Variants in NFIB observed in about 807,000 individuals in gnomAD.
The protein encoded by NFIB is nuclear factor I B.
Under a neutral mutation model 61.5 loss-of-function variants are expected in NFIB, and 11 were observed. The ratio of observed to expected loss-of-function variants is 0.18; its 90% CI spans 0.11 to 0.30. NFIB has a LOEUF of 0.30. Ranked by LOEUF, NFIB falls within the 10% of genes least tolerant of loss-of-function variation. NFIB has a pLI of 1.00. For synonymous variants in NFIB, 260 were observed against 216.5 expected (o/e 1.20, Z -1.76); for missense variants, 471 against 608.9 (o/e 0.77, Z 2.38).
At chr9:14,333,684 T>G (rs962526832) in intron 1 of NFIB, among the ~76,000 whole-genome samples, 4 of 152,206 alleles carry the variant, frequency 2.6e-5, no homozygotes, top group Admixed American at 6.5e-5. Context: ...AAAGAAATTG[T>G]CGTGTGGTCA....
the NFIB span, among the ~76,000 whole-genome samples, chr9:14,516,437 C>A: frequency 6.6e-6 from 1 of 152,124 alleles, no homozygotes; most frequent in Non-Finnish European, 1.5e-5. Flanking sequence ...ACTTGTTACT[C>A]CATAAGGAAC....
At chr9:14,121,783 A>G (rs1436755540) in intron 7 of NFIB, among the ~76,000 whole-genome samples, 1 of 152,174 alleles carries the variant, frequency 6.6e-6, no homozygotes, top group African/African-American at 2.4e-5. Flanking sequence ...TTATAAAGGG[A>G]AATACTATAT....
chr9:14,165,190 C>CT, intron 3 of NFIB, among the ~76,000 whole-genome samples: 1 of 152,244 alleles, frequency 6.6e-6, no homozygotes, highest in East Asian at 1.9e-4. Flanking sequence ...TATCCTTTAT[C>CT]TAGTCTTTAG....
intron 2 of NFIB, among the ~76,000 whole-genome samples, chr9:14,196,798 T>C (rs1466168526): frequency 6.6e-6 from 1 of 152,218 alleles, no homozygotes; most frequent in Non-Finnish European, 1.5e-5. Flanking sequence ...TTAAGTGTTT[T>C]CTTAGGCCGT....
the NFIB span, among the ~76,000 whole-genome samples, chr9:14,428,943 C>G: frequency 6.6e-6 from 1 of 152,158 alleles, no homozygotes; most frequent in Non-Finnish European, 1.5e-5. Flanking sequence ...TGATGAACGA[C>G]AAAAAGCAGC....
intron 1 of NFIB, among the ~76,000 whole-genome samples, chr9:14,383,159 G>T (rs559772481): frequency 6.6e-6 from 1 of 152,142 alleles, no homozygotes; most frequent in Non-Finnish European, 1.5e-5. Context: ...AAGAAAGCTC[G>T]GTAGCAAATT....
chr9:14,241,845 T>C (rs1047157032), intron 2 of NFIB, among the ~76,000 whole-genome samples: 4 of 152,174 alleles, frequency 2.6e-5, no homozygotes, highest in African/African-American at 7.2e-5. Flanking sequence ...AGAAAGCCAA[T>C]TGTATGTCTA....
chr9:14,145,123 C>T (rs114299693), intron 6 of NFIB, among the ~76,000 whole-genome samples: 2,244 of 134,854 alleles, frequency 0.017, 52 homozygotes, highest in African/African-American at 0.065. Flanking sequence ...GACAAAATTC[C>T]GTCTGAGGGG....
the NFIB span, among the ~76,000 whole-genome samples, chr9:14,459,605 T>C: frequency 1.8e-3 from 271 of 152,134 alleles, 2 homozygotes; most frequent in African/African-American, 6.2e-3. Context: ...AGAAAATTTT[T>C]GCAATCTACT....
At chr9:14,187,478 G>A (rs1230432165) in intron 2 of NFIB, among the ~76,000 whole-genome samples, 3 of 152,060 alleles carry the variant, frequency 2.0e-5, no homozygotes, top group Admixed American at 6.6e-5. Flanking sequence ...TTAGCAAAAC[G>A]CATAGTTTAA....
chr9:14,527,768 TG>T, the NFIB span, among the ~76,000 whole-genome samples: 1 of 152,334 alleles, frequency 6.6e-6, no homozygotes, highest in East Asian at 1.9e-4. Flanking sequence ...GGTTATTATA[TG>T]TATGGTATGG....
At chr9:14,511,801 C>T in the NFIB span, among the ~76,000 whole-genome samples, 89 of 152,158 alleles carry the variant, frequency 5.8e-4, no homozygotes, top group Non-Finnish European at 1.1e-3. Flanking sequence ...AATGTTTATA[C>T]ATTTATAATA....
chr9:14,524,372 C>T, the NFIB span, among the ~76,000 whole-genome samples: 1 of 152,176 alleles, frequency 6.6e-6, no homozygotes, highest in South Asian at 2.1e-4. Context: ...CTCTCACAAC[C>T]TTGAAAATAA....
In NFIB at chr9:14,304,932, A is replaced by G. The variant is rs992749778; in HGVS notation, c.562+2057T>C. 1.3e-5 allele frequency among the ~76,000 whole-genome samples: 2 copies of G among 152,232 alleles called. 1 individual carries two copies. Among genetic ancestry groups the G allele is most frequent in the Non-Finnish European group, 2.9e-5 (2 of 68,030 alleles). ...TGAGTTTTTCAAAGGAAGAACCAAC[A>G]GATGTTAAGAGAAGATGATGCACTG... On this transcript the variant is annotated intron_variant, in intron 2 of 10. Coordinates refer to ENST00000380953, the MANE Select transcript of NFIB (RefSeq NM_001190737.2).
chr9:14,204,796 C>A (rs1361516389), intron 2 of NFIB: 2 of 504,310 alleles, frequency 4.0e-6, no homozygotes, highest in Non-Finnish European at 3.6e-6. Context: ...ACTGCAATAT[C>A]AAGGGGAAGA....
the NFIB span, among the ~76,000 whole-genome samples, chr9:14,471,328 C>T: frequency 6.6e-6 from 1 of 152,192 alleles, no homozygotes. Context: ...TGAGGTCAGG[C>T]ACCGGCTGGT....
At chr9:14,489,244 A>C in the NFIB span, among the ~76,000 whole-genome samples, 1 of 152,228 alleles carries the variant, frequency 6.6e-6, no homozygotes, top group East Asian at 1.9e-4. Flanking sequence ...TGTTCATAAT[A>C]ATAATGAGGA....
At chr9:14,283,254 G>T (rs1040966117) in intron 2 of NFIB, among the ~76,000 whole-genome samples, 1 of 152,126 alleles carries the variant, frequency 6.6e-6, no homozygotes, top group Admixed American at 6.5e-5. Flanking sequence ...GGAATGACTC[G>T]CATCAGCCAT....
chr9:14,501,738 A>G, the NFIB span, among the ~76,000 whole-genome samples: 1 of 152,204 alleles, frequency 6.6e-6, no homozygotes, highest in East Asian at 1.9e-4. Flanking sequence ...GCAGGGGTGC[A>G]ATGAGAGCAT....
Sources: gnomAD v4.1 joint callset for allele counts (sites outside exome capture counted in the v4.1 genomes callset) on GRCh38, gnomAD v4.1.1 for gene constraint, MANE v1.5 for transcripts, NCBI Gene and HGNC (gene_info 2026-07-23, HGNC 2026-07-21) for gene names.